Variants in DCLK2 observed in about 807,000 individuals in gnomAD.
DCLK2 encodes serine/threonine-protein kinase DCLK2.
In DCLK2, 31 loss-of-function variants were observed where a neutral mutation model predicts 78.4. The observed-to-expected ratio is 0.40, with a 90% CI of 0.30 to 0.53. The LOEUF is 0.53. Ranked by LOEUF, DCLK2 falls within the 20% of genes least tolerant of loss-of-function variation. The probability of loss-of-function intolerance (pLI) is 0.61; values close to 1 mark genes in which losing one functional copy is unlikely to be tolerated. For synonymous variants in DCLK2, 407 were observed against 374.9 expected (o/e 1.09, Z -0.99); for missense variants, 872 against 973.7 (o/e 0.90, Z 1.39).
At chr4:150,177,526 T>A (rs1737183217) in intron 2 of DCLK2, among the ~76,000 whole-genome samples, 1 of 152,226 alleles carries the variant, frequency 6.6e-6, no homozygotes, top group Non-Finnish European at 1.5e-5. Context: ...TTGAACATTC[T>A]GAGAAAGGCA....
At chr4:150,173,317 A>T (rs1189732099) in intron 2 of DCLK2, among the ~76,000 whole-genome samples, 1 of 152,064 alleles carries the variant, frequency 6.6e-6, no homozygotes, top group East Asian at 1.9e-4. Context: ...TGACTTTTGG[A>T]CATTGAGTAT....
intron 2 of DCLK2, among the ~76,000 whole-genome samples, chr4:150,149,365 G>A (rs891836486): frequency 6.6e-6 from 1 of 152,120 alleles, no homozygotes; most frequent in African/African-American, 2.4e-5. Flanking sequence ...AAACAGGTTT[G>A]GGAGGAAACA....
chr4:150,176,219 C>T (rs1406466737), intron 2 of DCLK2, among the ~76,000 whole-genome samples: 4 of 152,160 alleles, frequency 2.6e-5, no homozygotes, highest in African/African-American at 7.2e-5. Flanking sequence ...CGCCATGAAT[C>T]TAATACTATG....
chr4:150,192,309 T>C (rs968938299), intron 2 of DCLK2, among the ~76,000 whole-genome samples: 8 of 152,014 alleles, frequency 5.3e-5, no homozygotes, highest in Non-Finnish European at 1.2e-4. Flanking sequence ...TGAAACCCTG[T>C]CTTTACTAAA....
rs1261964779 is a variant in DCLK2, at chr4:150,256,184, C to A, written c.2238C>A (p.Pro746=). 3 of 1,550,708 alleles carry A rather than the reference C, an allele frequency of 1.9e-6. No homozygotes were observed. Among genetic ancestry groups the A allele is most frequent in the South Asian group, 1.2e-5 (1 of 84,094 alleles). Residue 746 remains proline, a synonymous_variant, in exon 16 of 16, where the codon CCC becomes CCA. Transcript: ENST00000296550. ...CCACCCCTCCGGAATCTCCCACCCC[C>A]CACCCTCCTCCCGCTGCCCCGGGTG... The part of the protein sequence containing the change: ...PAPTPPESPT[P]HPPPAAPGGE...
At chr4:150,131,335 GT>G (rs1291665658) in intron 2 of DCLK2, among the ~76,000 whole-genome samples, 1 of 152,148 alleles carries the variant, frequency 6.6e-6, no homozygotes. Context: ...TAATAGAAAT[GT>G]TTTTGTTGAA....
intron 2 of DCLK2, among the ~76,000 whole-genome samples, chr4:150,128,173 A>G (rs917322706): frequency 2.0e-5 from 3 of 152,186 alleles, no homozygotes; most frequent in African/African-American, 7.2e-5. Flanking sequence ...ATGCTGCCAC[A>G]TATTCTACAG....
At chr4:150,222,073 C>G (rs1385064767) in intron 7 of DCLK2, among the ~76,000 whole-genome samples, 3 of 151,926 alleles carry the variant, frequency 2.0e-5, no homozygotes, top group African/African-American at 7.3e-5. Flanking sequence ...TTCACTGCAG[C>G]CTCAATCTGC....
chr4:150,117,538 A>T (rs1327358175), intron 2 of DCLK2, among the ~76,000 whole-genome samples: 1 of 152,116 alleles, frequency 6.6e-6, no homozygotes, highest in Non-Finnish European at 1.5e-5. Flanking sequence ...CGCAGATCTC[A>T]GTTAGGAGCT....
chr4:150,102,949 G>A lies in DCLK2; in HGVS notation c.756+137G>A, dbSNP rs577190918. 116 of 780,060 alleles carry A rather than the reference G, an allele frequency of 1.5e-4. No individual in the cohort carries two copies. The South Asian group carries it at 2.1e-3, about 14-fold the overall frequency. 48.3% of individuals were successfully genotyped at this position (780,060 alleles called of 1,614,324 possible). On this transcript the variant is annotated intron_variant, in intron 2 of 15. Transcript: ENST00000296550. ...GTCATACTTGAGATTGTGTGTGTGT[G>A]TGTATGTGTGTGTGTGTGTATGTAT...
intron 1 of DCLK2, among the ~76,000 whole-genome samples, chr4:150,082,298 A>G (rs112240001): frequency 2.0e-5 from 3 of 152,346 alleles, no homozygotes; most frequent in Non-Finnish European, 2.9e-5. Flanking sequence ...CTTCGATCCC[A>G]TGAAACTTGT....
intron 5 of DCLK2, among the ~76,000 whole-genome samples, chr4:150,209,119 C>T (rs921012901): frequency 6.6e-6 from 1 of 152,202 alleles, no homozygotes; most frequent in Non-Finnish European, 1.5e-5. Context: ...CATGATCAGA[C>T]CAAAAATTTG....
intron 5 of DCLK2, among the ~76,000 whole-genome samples, chr4:150,220,008 C>CT (rs1741058762): frequency 6.6e-6 from 1 of 152,114 alleles, no homozygotes; most frequent in African/African-American, 2.4e-5. Context: ...ATGGGAGAGA[C>CT]TGAGAGTGAC....
At chr4:150,106,323 G>A (rs1284965854) in intron 2 of DCLK2, among the ~76,000 whole-genome samples, 3 of 152,018 alleles carry the variant, frequency 2.0e-5, no homozygotes, top group Non-Finnish European at 2.9e-5. Context: ...TGCTCATTTT[G>A]ATCTTTTTTT....
At chr4:150,187,117 C>T (rs772910890) in intron 2 of DCLK2, among the ~76,000 whole-genome samples, 5 of 152,050 alleles carry the variant, frequency 3.3e-5, no homozygotes, top group Non-Finnish European at 5.9e-5. Flanking sequence ...TAGATATATA[C>T]CAAACCATTG....
At chr4:150,211,246 AC>A (rs1295569844) in intron 5 of DCLK2, among the ~76,000 whole-genome samples, 2 of 151,866 alleles carry the variant, frequency 1.3e-5, no homozygotes, top group Admixed American at 1.3e-4. Flanking sequence ...CGCCATGTGG[AC>A]CTCTCTGTAA....
At position 150,175,116 on chromosome 4, in the gene DCLK2, A is replaced by AT. The variant is rs1348245109; in HGVS notation, c.757-18016dup. Among the ~76,000 whole-genome samples, 4 of 91,536 alleles carry AT rather than the reference A, an allele frequency of 4.4e-5. 1 individual carries two copies. The highest frequency in any genetic ancestry group is 2.7e-4 in the South Asian group (1 of 3,728). The allele number at this position is 91,536 out of a possible 152,430, so 60.1% of individuals were successfully genotyped here. A position where few individuals can be genotyped will look rare whatever the true frequency, so the allele number is the denominator to read the frequency against. On this transcript the variant is annotated intron_variant, in intron 2 of 15. Coordinates refer to ENST00000296550, the MANE Select transcript of DCLK2 (RefSeq NM_001040260.4). ...TATTTATATATATTTATATATTTAT[A>AT]TTTTTTATATATATATAATTTATGT... is the stretch of plus-strand genomic sequence containing the variant.
intron 1 of DCLK2, among the ~76,000 whole-genome samples, chr4:150,095,415 A>G (rs1402709397): frequency 1.3e-5 from 2 of 152,160 alleles, no homozygotes; most frequent in Non-Finnish European, 2.9e-5. Context: ...TTTGCTCACC[A>G]TTGTTTATAA....
chr4:150,192,484 A>AAAG (rs1430408329), intron 2 of DCLK2, among the ~76,000 whole-genome samples: 1 of 151,444 alleles, frequency 6.6e-6, no homozygotes, highest in African/African-American at 2.4e-5. Context: ...GTCTCAAAAA[A>AAAG]AAAAAAAAAA....
Sources: gnomAD v4.1 joint callset for allele counts (sites outside exome capture counted in the v4.1 genomes callset) on GRCh38, gnomAD v4.1.1 for gene constraint, MANE v1.5 for transcripts, NCBI Gene and HGNC (gene_info 2026-07-23, HGNC 2026-07-21) for gene names.